The following YIPF1 variants were observed in gnomAD, a reference collection of about 807,000 sequenced individuals.
YIPF1 encodes protein YIPF1.
YIPF1 carries 22 observed loss-of-function variants against 37.0 expected under a neutral mutation model. The observed-to-expected ratio is 0.59, with a 90% CI of 0.42 to 0.85. The LOEUF is 0.85. Among genes scored for constraint, YIPF1 ranks in the 40% least tolerant of loss-of-function variants. The probability of loss-of-function intolerance (pLI) is 0.00; values close to 1 mark genes in which losing one functional copy is unlikely to be tolerated. For synonymous variants in YIPF1, 128 were observed against 131.9 expected, an observed-to-expected ratio of 0.97 and a Z score of 0.21; for missense variants, 355 against 373.1, an observed-to-expected ratio of 0.95 and a Z score of 0.40.
intron 10 of YIPF1, among the ~76,000 whole-genome samples, chr1:53,859,463 A>T (rs550747347): frequency 6.6e-6 from 1 of 152,338 alleles, no homozygotes; most frequent in South Asian, 2.1e-4. Context: ...CAGGAGTTCA[A>T]GACCAGCCTG....
Position 53,866,364 on chromosome 1 carries a change from G to C in YIPF1, c.667C>G (p.Gln223Glu), listed in dbSNP as rs779865288. The change falls in exon 9 of 11, where the codon CAG (glutamine) becomes GAG (glutamate). Residue 223 changes from glutamine (Q) to glutamate (E), a missense_variant. Transcript: ENST00000072644. ...IPTAILWIIP[Q>E]KAVRWILVMI... is the part of the protein sequence containing the mutation. ...ACTAGAATCCAACGAACAGCTTTCTGGGGGATAATCCACAGTATCTGAAAG... is the reference window on the plus strand; with the variant it reads ...ACTAGAATCCAACGAACAGCTTTCTCGGGGATAATCCACAGTATCTGAAAG... 1 of 1,613,996 alleles carries C rather than the reference G, an allele frequency of 6.2e-7. No individual in the cohort carries two copies. Among genetic ancestry groups the C allele is most frequent in the East Asian group, 2.2e-5 (1 of 44,880 alleles).
rs979693430 is a variant in YIPF1, at chr1:53,866,743, A to C, written c.648+15T>G. On this transcript the variant is annotated intron_variant, in intron 8 of 10. Coordinates refer to ENST00000072644, the MANE Select transcript of YIPF1 (RefSeq NM_018982.5). ...GAGCATCACTCAGAATCTACTCCCT[A>C]AGTATGGTACTTACTGCGGTGGGGA... 6.2e-7 allele frequency: 1 copy of C among 1,606,076 alleles called. No homozygotes were observed. The highest frequency in any genetic ancestry group is 1.3e-5 in the African/African-American group (1 of 74,808).
At position 53,878,638 on chromosome 1, in the gene YIPF1, A is replaced by G. The variant is rs963556670; in HGVS notation, c.276+4T>C. Reference sequence around the variant, plus strand: ...AAAAGGAAAGGTGAAATTGGTTTCCAAACCTGGTAGGTGTCCACATCAAAG... The same window carrying G: ...AAAAGGAAAGGTGAAATTGGTTTCCGAACCTGGTAGGTGTCCACATCAAAG... On this transcript the variant is annotated splice_donor_region_variant and intron_variant, in intron 5 of 10. Coordinates refer to ENST00000072644, the MANE Select transcript of YIPF1 (RefSeq NM_018982.5). 15 of 1,599,480 alleles carry G rather than the reference A, an allele frequency of 9.4e-6. No individual in the cohort carries two copies. The highest frequency in any genetic ancestry group is 1.7e-4 in the Middle Eastern group (1 of 6,016).
chr1:53,863,180 T>C (rs1316481181), intron 9 of YIPF1, among the ~76,000 whole-genome samples: 2 of 152,196 alleles, frequency 1.3e-5, no homozygotes, highest in Non-Finnish European at 2.9e-5. Context: ...GAACAGCCTC[T>C]TCTGTCTCCT....
intron 4 of YIPF1, chr1:53,882,869 C>T (rs937908811): frequency 4.0e-5 from 14 of 348,986 alleles, no homozygotes; most frequent in Middle Eastern, 7.8e-4. Flanking sequence ...AAATATTGAG[C>T]ATGGGAGTCC....
intron 5 of YIPF1, 60 bp downstream of exon 5, chr1:53,878,582 A>G (rs1404250833): frequency 6.4e-7 from 1 of 1,559,120 alleles, no homozygotes; most frequent in African/African-American, 1.4e-5. Flanking sequence ...TGGTTGTTCA[A>G]CCATTAAAGA....
chr1:53,885,680 G>A (rs1331205742), intron 3 of YIPF1, among the ~76,000 whole-genome samples: 1 of 151,624 alleles, frequency 6.6e-6, no homozygotes, highest in Admixed American at 6.6e-5. Context: ...AATTAGCTAG[G>A]CATGTTGGTG....
intron 10 of YIPF1, among the ~76,000 whole-genome samples, chr1:53,858,800 A>G (rs1461127202): frequency 6.6e-6 from 1 of 152,008 alleles, no homozygotes; most frequent in African/African-American, 2.4e-5. Flanking sequence ...ATGCCAAGCT[A>G]ATTTTTTGTA....
intron 10 of YIPF1, among the ~76,000 whole-genome samples, chr1:53,858,190 G>A (rs903059416): frequency 6.6e-6 from 1 of 152,128 alleles, no homozygotes; most frequent in Non-Finnish European, 1.5e-5. Flanking sequence ...CCCATGAGAA[G>A]AGAGGAAGAG....
chr1:53,888,471 C>T (rs1650714942), intron 3 of YIPF1, among the ~76,000 whole-genome samples: 1 of 152,188 alleles, frequency 6.6e-6, no homozygotes, highest in African/African-American at 2.4e-5. Flanking sequence ...TGGTCACAAC[C>T]AGGAGATATT....
chr1:53,866,830 G>A lies in YIPF1; in HGVS notation c.576C>T (p.Asn192=). The part of the protein sequence containing the change: ...FLMWRNSKVM[N]IVSYSFLEIV... ...TCTCCAGAAATGAATAGGAGACGAT[G>A]TTCATAACTTTGCTGTTTCTCCACA... The change falls in exon 8 of 11, where the codon AAC becomes AAT. Residue 192 remains asparagine (N), a synonymous_variant. Coordinates refer to ENST00000072644, the MANE Select transcript of YIPF1 (RefSeq NM_018982.5). 6.2e-7 allele frequency: 1 copy of A among 1,614,190 alleles called. No individual in the cohort carries two copies. Among genetic ancestry groups the A allele is most frequent in the Non-Finnish European group, 8.5e-7 (1 of 1,180,040 alleles).
chr1:53,884,073 T>TA (rs1420576622), intron 3 of YIPF1, among the ~76,000 whole-genome samples: 1 of 148,456 alleles, frequency 6.7e-6, no homozygotes, highest in Non-Finnish European at 1.5e-5. Context: ...AATCACAGGA[T>TA]AAAAACCACT....
chr1:53,864,896 A>G (rs984438174), intron 9 of YIPF1, among the ~76,000 whole-genome samples: 1 of 152,236 alleles, frequency 6.6e-6, no homozygotes, highest in African/African-American at 2.4e-5. Flanking sequence ...GCCTCTCAGA[A>G]CAATCTTGTG....
intron 10 of YIPF1, among the ~76,000 whole-genome samples, chr1:53,853,787 A>G (rs1649653049): frequency 6.6e-6 from 1 of 152,232 alleles, no homozygotes; most frequent in Admixed American, 6.5e-5. Context: ...GCCTTTTAGT[A>G]ACCATCAACT....
At chr1:53,855,621 C>T (rs182930920) in intron 10 of YIPF1, among the ~76,000 whole-genome samples, 18 of 152,252 alleles carry the variant, frequency 1.2e-4, no homozygotes, top group African/African-American at 2.9e-4. Flanking sequence ...CAAATATTTA[C>T]GATTGGGTTA....
intron 9 of YIPF1, among the ~76,000 whole-genome samples, chr1:53,860,851 T>A (rs1483910507): frequency 6.6e-6 from 1 of 152,194 alleles, no homozygotes; most frequent in African/African-American, 2.4e-5. Context: ...ACATAAGGTC[T>A]AGAGAAGCCT....
intron 9 of YIPF1, among the ~76,000 whole-genome samples, chr1:53,861,080 CACA>C (rs1415142308): frequency 6.6e-6 from 1 of 152,326 alleles, no homozygotes; most frequent in East Asian, 1.9e-4. Flanking sequence ...GGGGCACCAA[CACA>C]ACATGTTGGA....
At chr1:53,854,579 A>G (rs568406166) in intron 10 of YIPF1, among the ~76,000 whole-genome samples, 115 of 152,266 alleles carry the variant, frequency 7.6e-4, no homozygotes, top group African/African-American at 2.8e-3. Flanking sequence ...CCACAGTCTG[A>G]TCTGGGATGT....
chr1:53,888,822 G>T, intron 3 of YIPF1, 85 bp downstream of exon 3: 1 of 1,293,092 alleles, frequency 7.7e-7, no homozygotes, highest in Non-Finnish European at 1.1e-6. Context: ...CCTTCAATGT[G>T]TGAGGCAGTA....
Sources: allele counts gnomAD v4.1 joint callset (sites outside exome capture counted in the v4.1 genomes callset), GRCh38; gene constraint gnomAD v4.1.1; transcripts MANE v1.5; gene names NCBI Gene and HGNC (gene_info 2026-07-23, HGNC 2026-07-21).